PSEN1: variants seen among roughly 807,000 people sequenced by gnomAD.
The protein encoded by PSEN1 is presenilin 1.
In PSEN1, 15 loss-of-function variants were observed where a neutral mutation model predicts 53.5. The ratio of observed to expected loss-of-function variants is 0.28; its 90% CI spans 0.19 to 0.43. The LOEUF is 0.43. Ranked by LOEUF, PSEN1 falls within the 20% of genes least tolerant of loss-of-function variation. The pLI is 1.00. For missense variants in PSEN1, 387 were observed against 571.2 expected (o/e 0.68, Z 3.29); for synonymous variants, 208 against 209.8 (o/e 0.99, Z 0.08).
chr14:73,205,873 T>C lies in PSEN1; in HGVS notation c.869-513T>C, dbSNP rs140447679. Among the ~76,000 whole-genome samples, 481 of 152,374 alleles carry C rather than the reference T, an allele frequency of 3.2e-3. 2 individuals are homozygous for C. Among genetic ancestry groups the C allele is most frequent in the African/African-American group, 8.8e-3 (366 of 41,592 alleles). On this transcript the variant is annotated intron_variant, in intron 8 of 11. Transcript: ENST00000324501. ...TAGAAGGGGCACAGAGGAGGCCTCT[T>C]GACTATCCCTATTATGTTTATTGCT... is the stretch of plus-strand genomic sequence containing the variant.
chr14:73,183,576 T>C (rs1190942300), intron 5 of PSEN1, among the ~76,000 whole-genome samples: 2 of 152,100 alleles, frequency 1.3e-5, no homozygotes, highest in African/African-American at 4.8e-5. Flanking sequence ...CAACCCTGAG[T>C]GGACACAGCA....
intron 3 of PSEN1, among the ~76,000 whole-genome samples, chr14:73,154,596 G>C (rs572002708): frequency 6.6e-6 from 1 of 152,098 alleles, no homozygotes; most frequent in South Asian, 2.1e-4. Context: ...GTGAGACCCT[G>C]CCTCAAAAAA....
chr14:73,145,683 G>C (rs1897050140), intron 1 of PSEN1, among the ~76,000 whole-genome samples: 1 of 152,138 alleles, frequency 6.6e-6, no homozygotes, highest in Admixed American at 6.5e-5. Context: ...AACTTGTATG[G>C]ATACTCAAAA....
At chr14:73,184,456 T>A (rs1264977734) in intron 5 of PSEN1, among the ~76,000 whole-genome samples, 2 of 63,004 alleles carry the variant, frequency 3.2e-5, no homozygotes, top group Non-Finnish European at 6.2e-5. Context: ...CACTTCCCAG[T>A]AGGGGCGGCC....
At position 73,203,701 on chromosome 14, in the gene PSEN1, C is replaced by T. The variant is rs567524016; in HGVS notation, c.869-2685C>T. Among the ~76,000 whole-genome samples the T allele has an allele frequency of 4.6e-5, 7 of 152,154 alleles. No individual in the cohort carries two copies. The South Asian group carries it at 8.3e-4, about 18-fold the overall frequency. On this transcript the variant is annotated intron_variant, in intron 8 of 11. Transcript: ENST00000324501. ...GTCGTTTGACAGAAAAAATATACAC[C>T]TACTCTTTGAGCTAATTTATTCTTA...
intron 3 of PSEN1, 143 bp from the exon 4 acceptor site, chr14:73,170,654 T>C (rs1250440571): frequency 1.9e-5 from 16 of 861,366 alleles, no homozygotes; most frequent in Non-Finnish European, 3.0e-5. Flanking sequence ...ACTTTTAAAC[T>C]GCATACTTCC....
chr14:73,143,938 A>G (rs993992536), intron 1 of PSEN1, among the ~76,000 whole-genome samples: 2 of 129,518 alleles, frequency 1.5e-5, no homozygotes, highest in African/African-American at 5.9e-5. Context: ...GCAGTGAGCT[A>G]TGATTGCCAC....
chr14:73,215,189 G>A (rs1025889973), intron 10 of PSEN1, among the ~76,000 whole-genome samples: 5 of 151,822 alleles, frequency 3.3e-5, no homozygotes, highest in Non-Finnish European at 7.4e-5. Flanking sequence ...TTGAACTCCT[G>A]ACCTCAAGTG....
At chr14:73,158,753 T>C (rs1444419734) in intron 3 of PSEN1, among the ~76,000 whole-genome samples, 1 of 152,228 alleles carries the variant, frequency 6.6e-6, no homozygotes, top group Non-Finnish European at 1.5e-5. Context: ...TGAGCCTCTA[T>C]GCCCAGCCTT....
At chr14:73,186,663 C>G (rs951727275) in intron 5 of PSEN1, among the ~76,000 whole-genome samples, 190 bp from the exon 6 acceptor site, 2 of 151,722 alleles carry the variant, frequency 1.3e-5, no homozygotes, top group Admixed American at 1.3e-4. Flanking sequence ...CGTGGTTCCA[C>G]CTACTCAGGA....
chr14:73,180,291 T>G (rs1474784490), intron 5 of PSEN1, among the ~76,000 whole-genome samples: 1 of 152,136 alleles, frequency 6.6e-6, no homozygotes. Flanking sequence ...AGCCTTATCC[T>G]TCATTTTAGA....
chr14:73,148,040 G>A lies in PSEN1; in HGVS notation c.21G>A (p.Pro7=), dbSNP rs116466962. 61 of 1,613,668 alleles carry A rather than the reference G, an allele frequency of 3.8e-5. No homozygotes were observed. Among genetic ancestry groups the A allele is most frequent in the African/African-American group, 8.0e-5 (6 of 75,004 alleles). The change falls in exon 3 of 12, where the codon CCG becomes CCA. Residue 7 remains proline, a synonymous_variant. Transcript: ENST00000324501. ...CTCCAATGACAGAGTTACCTGCACC[G>A]TTGTCCTACTTCCAGAATGCACAGA... MTELPA[P]LSYFQNAQMS... is the part of the protein sequence containing the mutation.
At chr14:73,150,532 G>T (rs1476739953) in intron 3 of PSEN1, among the ~76,000 whole-genome samples, 1 of 152,058 alleles carries the variant, frequency 6.6e-6, no homozygotes, top group Non-Finnish European at 1.5e-5. Context: ...GGGAGGCCGA[G>T]GCTGGTGGAT....
chr14:73,219,471 A>G lies in PSEN1; in HGVS notation c.*182A>G, dbSNP rs362383. 2.7e-4 allele frequency: 183 copies of G among 674,168 alleles called. No individual in the cohort carries two copies. In the African/African-American group the frequency reaches 2.8e-3, roughly 10 times the overall value. 41.8% of individuals were successfully genotyped at this position (674,168 alleles called of 1,614,324 possible). On this transcript the variant is annotated 3_prime_UTR_variant, in exon 12 of 12. Coordinates refer to ENST00000324501, the MANE Select transcript of PSEN1 (RefSeq NM_000021.4). ...TATTGGACTTTGGAAGGAGGTGCCT[A>G]TAGAAAACGATTTTGAACATACTTC... is the stretch of plus-strand genomic sequence containing the variant.
chr14:73,140,336 G>A (rs565758357), intron 1 of PSEN1, among the ~76,000 whole-genome samples: 2 of 147,332 alleles, frequency 1.4e-5, no homozygotes, highest in African/African-American at 5.0e-5. Context: ...TCAGCCTCCC[G>A]AGTAGCTGGG....
intron 3 of PSEN1, among the ~76,000 whole-genome samples, chr14:73,152,442 A>G (rs79125817): frequency 7.8e-6 from 1 of 128,006 alleles, no homozygotes; most frequent in African/African-American, 3.5e-5. Context: ...TCTACTAAGA[A>G]AAAAAAAAAA....
At chr14:73,209,180 C>T (rs570845595) in intron 9 of PSEN1, among the ~76,000 whole-genome samples, 23 of 152,150 alleles carry the variant, frequency 1.5e-4, no homozygotes, top group Non-Finnish European at 2.9e-4. Context: ...TGTGGGAGTG[C>T]GGGACTTCTG....
At chr14:73,204,060 A>G (rs894924368) in intron 8 of PSEN1, among the ~76,000 whole-genome samples, 14 of 152,176 alleles carry the variant, frequency 9.2e-5, no homozygotes, top group African/African-American at 3.4e-4. Context: ...GTGCAATGGC[A>G]CGATCTCGGC....
chr14:73,175,383 T>C (rs1430379754), intron 5 of PSEN1, among the ~76,000 whole-genome samples: 1 of 151,572 alleles, frequency 6.6e-6, no homozygotes, highest in Non-Finnish European at 1.5e-5. Flanking sequence ...CACCTCGGCC[T>C]CGCAAGGGCT....
Sources: gnomAD v4.1 joint callset for allele counts (sites outside exome capture counted in the v4.1 genomes callset) on GRCh38, gnomAD v4.1.1 for gene constraint, MANE v1.5 for transcripts, NCBI Gene and HGNC (gene_info 2026-07-23, HGNC 2026-07-21) for gene names.